FHOD3: variants seen among roughly 807,000 people sequenced by gnomAD.
The protein encoded by FHOD3 is formin homology 2 domain containing 3, also known as FH1/FH2 domain-containing protein 3.
Under a neutral mutation model 173.0 loss-of-function variants are expected in FHOD3, and 90 were observed. The observed-to-expected ratio is 0.52, with a 90% confidence interval of 0.44 to 0.62. The LOEUF (loss-of-function observed/expected upper bound fraction) is 0.62. FHOD3 is among the 20% of genes least tolerant of loss of function. The pLI is 0.00. For synonymous variants in FHOD3, 828 were observed against 823.0 expected (o/e 1.01, Z -0.10); for missense variants, 1,945 against 2,034.7 (o/e 0.96, Z 0.85).
intron 3 of FHOD3, among the ~76,000 whole-genome samples, chr18:36,431,146 A>G (rs537739404): frequency 1.3e-5 from 2 of 152,350 alleles, no homozygotes; most frequent in South Asian, 4.1e-4. Context: ...ATTTTATTAT[A>G]TGAGTATGGA....
intron 12 of FHOD3, 106 bp from the exon 13 acceptor site, chr18:36,653,236 G>A (rs2036185632): frequency 5.6e-6 from 5 of 892,148 alleles, no homozygotes; most frequent in African/African-American, 1.7e-5. Context: ...TATACATCTT[G>A]TACCAAGCCA....
intron 3 of FHOD3, among the ~76,000 whole-genome samples, chr18:36,438,166 T>C (rs527577487): frequency 6.6e-6 from 1 of 152,122 alleles, no homozygotes; most frequent in South Asian, 2.1e-4. Context: ...TCCAGAAATA[T>C]TATTTATCTT....
intron 3 of FHOD3, among the ~76,000 whole-genome samples, chr18:36,377,967 G>T (rs570979518): frequency 6.6e-6 from 1 of 152,304 alleles, no homozygotes; most frequent in East Asian, 1.9e-4. Flanking sequence ...GCTGCAGGTG[G>T]TACACCCTCT....
chr18:36,724,372 A>C (rs2149836260), intron 19 of FHOD3, among the ~76,000 whole-genome samples: 1 of 152,296 alleles, frequency 6.6e-6, no homozygotes, highest in East Asian at 1.9e-4. Flanking sequence ...TGGTTCTAGA[A>C]AGCGGACTCC....
Position 36,709,331 on chromosome 18 carries a change from T to C in FHOD3, c.2473T>C (p.Ser825Pro), listed in dbSNP as rs1339299820. The change falls in exon 18 of 29, where the codon TCC becomes CCC. Residue 825 changes from serine (S) to proline (P), a missense_variant. Transcript: ENST00000590592. ...CTGCTCTGCCTCCAGCGTCTCGTCC[T>C]CCAGCAGCACGTTGGAGAGGGAGGA... ...DNCSASSVSS[S>P]SSTLEREEKE... 2 of 1,614,104 alleles carry C rather than the reference T, an allele frequency of 1.2e-6. No individual in the cohort carries two copies. The highest frequency in any genetic ancestry group is 1.3e-5 in the African/African-American group (1 of 74,930).
intron 1 of FHOD3, among the ~76,000 whole-genome samples, chr18:36,314,113 C>T (rs1953400135): frequency 6.6e-6 from 1 of 152,066 alleles, no homozygotes; most frequent in African/African-American, 2.4e-5. Flanking sequence ...AAACACTGCC[C>T]ACAAAAAAGA....
chr18:36,594,592 G>T (rs1329051343), intron 6 of FHOD3, among the ~76,000 whole-genome samples, 195 bp from the exon 7 acceptor site: 1 of 152,108 alleles, frequency 6.6e-6, no homozygotes, highest in Non-Finnish European at 1.5e-5. Context: ...TTCCTCATCT[G>T]CACAATGGGG....
intron 10 of FHOD3, 42 bp from the exon 11 acceptor site, chr18:36,649,274 A>G: frequency 6.9e-7 from 1 of 1,458,448 alleles, no homozygotes. Context: ...TCACTTTTCC[A>G]TGTTGTCTGT....
chr18:36,763,264 C>T (rs963855098), intron 27 of FHOD3, among the ~76,000 whole-genome samples: 2 of 143,160 alleles, frequency 1.4e-5, no homozygotes, highest in Admixed American at 1.4e-4. Flanking sequence ...ATACAATATG[C>T]GTATTATACA....
In FHOD3 at chr18:36,456,112, C is replaced by T. The variant is rs1171134929; in HGVS notation, c.338-45820C>T. ...CTGTGAAGTTAATGGGGCTTCTGTT[C>T]CTTTGAACTTCTTTTGTCCTGCGCA... On this transcript the variant is annotated intron_variant, in intron 3 of 28. Transcript: ENST00000590592. 2.0e-5 allele frequency among the ~76,000 whole-genome samples: 3 copies of T among 152,114 alleles called. No individual in the cohort carries two copies. The East Asian group carries it at 5.8e-4, about 29-fold the overall frequency.
intron 3 of FHOD3, among the ~76,000 whole-genome samples, chr18:36,497,173 G>T (rs1291762034): frequency 3.9e-5 from 6 of 152,092 alleles, no homozygotes; most frequent in Non-Finnish European, 8.8e-5. Flanking sequence ...GACTATAAAG[G>T]TTTTGTTTTG....
At chr18:36,617,366 A>T (rs943833583) in intron 9 of FHOD3, among the ~76,000 whole-genome samples, 1 of 152,140 alleles carries the variant, frequency 6.6e-6, no homozygotes, top group Non-Finnish European at 1.5e-5. Context: ...GCTTTTTATA[A>T]ATGGAATCGT....
intron 3 of FHOD3, among the ~76,000 whole-genome samples, chr18:36,417,304 G>T (rs1568243658): frequency 6.6e-6 from 1 of 152,040 alleles, no homozygotes; most frequent in Non-Finnish European, 1.5e-5. Context: ...CTACTTATTA[G>T]TAGGAACAGG....
intron 5 of FHOD3, among the ~76,000 whole-genome samples, chr18:36,551,470 TATTTAATTAATTAATTTAATTAATTG>T (rs2057652884): frequency 6.6e-6 from 1 of 151,940 alleles, no homozygotes; most frequent in South Asian, 2.1e-4. Context: ...TTGATTAATT[TATTTAATTAATTAATTTAATTAATTG>T]ATTTAATTAG....
intron 3 of FHOD3, among the ~76,000 whole-genome samples, chr18:36,487,842 G>T (rs967972790): frequency 6.6e-6 from 1 of 152,180 alleles, no homozygotes; most frequent in South Asian, 2.1e-4. Context: ...ACACAGCCTG[G>T]AAATAAATAC....
chr18:36,744,422 A>G (rs2042052227), intron 23 of FHOD3, among the ~76,000 whole-genome samples: 1 of 152,268 alleles, frequency 6.6e-6, no homozygotes, highest in African/African-American at 2.4e-5. Context: ...TAAGGTATGC[A>G]AGGCAAGCCT....
intron 3 of FHOD3, among the ~76,000 whole-genome samples, chr18:36,498,803 A>T (rs2054873026): frequency 6.6e-6 from 1 of 152,240 alleles, no homozygotes; most frequent in East Asian, 1.9e-4. Context: ...AGAAATTTTC[A>T]ACAAAATATT....
intron 15 of FHOD3, among the ~76,000 whole-genome samples, chr18:36,682,661 C>T (rs1212109198): frequency 6.6e-6 from 1 of 152,208 alleles, no homozygotes; most frequent in African/African-American, 2.4e-5. Context: ...TGGCTCCCAG[C>T]AACCTCTGCC....
intron 3 of FHOD3, among the ~76,000 whole-genome samples, chr18:36,395,149 T>G (rs1169685837): frequency 7.0e-6 from 1 of 142,280 alleles, no homozygotes; most frequent in Non-Finnish European, 1.5e-5. Context: ...GAGAACAGTT[T>G]AGGTTTTTTT....
Sources: gnomAD v4.1 joint callset for allele counts (sites outside exome capture counted in the v4.1 genomes callset) on GRCh38, gnomAD v4.1.1 for gene constraint, MANE v1.5 for transcripts, NCBI Gene and HGNC (gene_info 2026-07-23, HGNC 2026-07-21) for gene names.